The following MALRD1 variants were observed in gnomAD, a reference collection of about 807,000 sequenced individuals.
The protein encoded by MALRD1 is MAM and LDL receptor class A domain containing 1.
A neutral mutation model predicts 242.1 loss-of-function variants in MALRD1; 247 were observed. The observed-to-expected ratio is 1.02, with a 90% confidence interval of 0.92 to 1.13. MALRD1 has a LOEUF of 1.13. Ranked by LOEUF, MALRD1 falls within the 50% of genes most tolerant of loss-of-function variation. The pLI is 0.00. For synonymous variants in MALRD1, 995 were observed against 866.6 expected (o/e 1.15, Z -2.60); for missense variants, 2,989 against 2,533.1 (o/e 1.18, Z -3.86).
intron 12 of MALRD1, among the ~76,000 whole-genome samples, chr10:19,163,143 A>G: frequency 7.6e-6 from 1 of 130,902 alleles, no homozygotes; most frequent in Admixed American, 7.2e-5. Context: ...TGTCTAAAAA[A>G]AAAAAAAAAA....
At chr10:19,233,188 C>T (rs1797593227) in intron 18 of MALRD1, among the ~76,000 whole-genome samples, 1 of 152,044 alleles carries the variant, frequency 6.6e-6, no homozygotes, top group Admixed American at 6.6e-5. Context: ...TCCCCTCAAG[C>T]ATTTATCCTC....
chr10:19,468,873 G>A (rs915167305), intron 29 of MALRD1, among the ~76,000 whole-genome samples: 4 of 151,980 alleles, frequency 2.6e-5, no homozygotes, highest in African/African-American at 9.7e-5. Context: ...GTATTTCTAT[G>A]AAAAGGTAAA....
chr10:19,350,008 T>A (rs979408051), intron 25 of MALRD1, among the ~76,000 whole-genome samples: 1 of 152,118 alleles, frequency 6.6e-6, no homozygotes, highest in African/African-American at 2.4e-5. Flanking sequence ...TTATGAATAT[T>A]TATGATACAG....
At chr10:19,147,176 T>C (rs4747367) in intron 11 of MALRD1, among the ~76,000 whole-genome samples, 137,697 of 152,272 alleles carry the variant, frequency 0.9, 62,493 homozygotes, top group East Asian at 1. Context: ...AATAGCACAA[T>C]TGTACTTGTA....
intron 38 of MALRD1, among the ~76,000 whole-genome samples, chr10:19,718,192 CGAAGAAGAAGAGGAAGAA>C (rs1834502690): frequency 6.8e-6 from 1 of 146,530 alleles, no homozygotes; most frequent in African/African-American, 2.5e-5. Context: ...AAAAAGAAGA[CGAAGAAGAAGAGGAAGAA>C]GAAGAAGAAG....
intron 5 of MALRD1, among the ~76,000 whole-genome samples, chr10:19,120,944 A>G (rs866354392): frequency 2.0e-5 from 3 of 151,468 alleles, no homozygotes; most frequent in South Asian, 4.2e-4. Context: ...GAGTTTCGCC[A>G]TGTTGGCCAG....
At chr10:19,285,274 A>G (rs1841050499) in intron 21 of MALRD1, among the ~76,000 whole-genome samples, 1 of 140,248 alleles carries the variant, frequency 7.1e-6, no homozygotes. Flanking sequence ...CCATTTGTCA[A>G]TTTTGGCTTT....
chr10:19,416,618 A>G (rs1312425087), intron 28 of MALRD1, among the ~76,000 whole-genome samples: 1 of 151,820 alleles, frequency 6.6e-6, no homozygotes, highest in Non-Finnish European at 1.5e-5. Context: ...TTACAGCTAT[A>G]TCTCATACAG....
chr10:19,270,336 TCA>T (rs200537040), intron 19 of MALRD1, among the ~76,000 whole-genome samples: 16,663 of 130,446 alleles, frequency 0.13, 1,017 homozygotes, highest in African/African-American at 0.16. Flanking sequence ...TCTCTCTCTC[TCA>T]CACACACACA....
chr10:19,625,156 GTTC>G (rs1270364964), intron 36 of MALRD1, among the ~76,000 whole-genome samples: 1 of 152,010 alleles, frequency 6.6e-6, no homozygotes, highest in Non-Finnish European at 1.5e-5. Flanking sequence ...TTCAAACCTA[GTTC>G]TTTGGCCACG....
At chr10:19,624,207 T>A (rs549457282) in intron 36 of MALRD1, among the ~76,000 whole-genome samples, 1 of 152,236 alleles carries the variant, frequency 6.6e-6, no homozygotes, top group Admixed American at 6.5e-5. Context: ...TACATGTCCA[T>A]AAGGCTACTC....
At chr10:19,224,413 A>T (rs1051534205) in intron 18 of MALRD1, among the ~76,000 whole-genome samples, 1 of 151,442 alleles carries the variant, frequency 6.6e-6, no homozygotes, top group Admixed American at 6.6e-5. Flanking sequence ...TAGCCTCTTG[A>T]GTAGCTGGGA....
At chr10:19,279,969 T>G (rs549386823) in intron 19 of MALRD1, 78 bp from the exon 20 acceptor site, 3 of 1,175,910 alleles carry the variant, frequency 2.6e-6, no homozygotes, top group Non-Finnish European at 3.4e-6. Context: ...TTTAGAAAGC[T>G]TCATTGTGTA....
Position 19,265,118 on chromosome 10 carries a change from G to A in MALRD1, c.3079+7347G>A, listed in dbSNP as rs183525128. Among the ~76,000 whole-genome samples the A allele has an allele frequency of 2.1e-3, 319 of 151,748 alleles. 1 individual carries two copies. Among genetic ancestry groups the A allele is most frequent in the African/African-American group, 7.5e-3 (311 of 41,422 alleles). The stretch of plus-strand genomic sequence containing the variant: ...TGTCTGTTTCTGATTTTATTTATTT[G>A]GGTCTTCTGTTTTTCTTATCTAAAT... On this transcript the variant is annotated intron_variant, in intron 19 of 39. Coordinates refer to ENST00000454679, the MANE Select transcript of MALRD1 (RefSeq NM_001142308.3).
Position 19,731,651 on chromosome 10 carries a change from C to T in MALRD1, c.6390+870C>T, listed in dbSNP as rs542745702. On this transcript the variant is annotated intron_variant, in intron 39 of 39. Transcript: ENST00000454679. ...ACTTTGCACTCTTTGATCAATATCTCATTCCTTTCTTTTTATTTTCCCATT... is the reference window on the plus strand; with the variant it reads ...ACTTTGCACTCTTTGATCAATATCTTATTCCTTTCTTTTTATTTTCCCATT... Among the ~76,000 whole-genome samples, 7 of 152,274 alleles carry T rather than the reference C, an allele frequency of 4.6e-5. No homozygotes were observed. The South Asian group carries it at 1.2e-3, about 27-fold the overall frequency.
chr10:19,071,874 T>C (rs1021414212), intron 2 of MALRD1, among the ~76,000 whole-genome samples: 1 of 152,180 alleles, frequency 6.6e-6, no homozygotes, highest in Non-Finnish European at 1.5e-5. Context: ...GAAAATTTAA[T>C]GTCCATTTAT....
chr10:19,348,175 T>C (rs999196339), intron 25 of MALRD1, among the ~76,000 whole-genome samples, 157 bp downstream of exon 25: 2 of 152,060 alleles, frequency 1.3e-5, no homozygotes, highest in African/African-American at 2.4e-5. Flanking sequence ...AAAATGAAGT[T>C]CAGAATGAAG....
intron 1 of MALRD1, among the ~76,000 whole-genome samples, chr10:19,059,214 T>C (rs886678549): frequency 1.3e-5 from 2 of 152,196 alleles, no homozygotes; most frequent in African/African-American, 2.4e-5. Context: ...AATATTGTTA[T>C]GAGAAAAACC....
rs1033194216 is a variant in MALRD1 at position 19,531,976 on chromosome 10, C to G, written c.5478+625C>G. Among the ~76,000 whole-genome samples, 5 of 152,122 alleles carry G rather than the reference C, an allele frequency of 3.3e-5. No homozygotes were observed. In the East Asian group the frequency reaches 9.6e-4, roughly 29 times the overall value. ...CACCACACCTAGTGTTATTAACTTA[C>G]AATTATCCAATCCTGTTTTTTGAAT... On this transcript the variant is annotated intron_variant, in intron 32 of 39. Coordinates refer to ENST00000454679, the MANE Select transcript of MALRD1 (RefSeq NM_001142308.3).
Sources: gnomAD v4.1 joint callset for allele counts (sites outside exome capture counted in the v4.1 genomes callset) on GRCh38, gnomAD v4.1.1 for gene constraint, MANE v1.5 for transcripts, NCBI Gene and HGNC (gene_info 2026-07-23, HGNC 2026-07-21) for gene names.